The following PHF3 variants were observed in gnomAD, a reference collection of about 807,000 sequenced individuals.
PHF3 encodes PHD finger protein 3.
In PHF3, 41 loss-of-function variants were observed where a neutral mutation model predicts 178.4. The ratio of observed to expected loss-of-function variants is 0.23; its 90% CI spans 0.18 to 0.30. PHF3 has a LOEUF of 0.30. Among genes scored for constraint, PHF3 ranks in the 10% least tolerant of loss-of-function variants. PHF3 has a pLI of 1.00. For synonymous variants in PHF3, 842 were observed against 800.5 expected (o/e 1.05, Z -0.88); for missense variants, 2,346 against 2,398.1 (o/e 0.98, Z 0.45).
chr6:63,697,766 CT>C (rs1339171770), intron 6 of PHF3, among the ~76,000 whole-genome samples: 1 of 152,010 alleles, frequency 6.6e-6, no homozygotes, highest in Non-Finnish European at 1.5e-5. Flanking sequence ...AATAAATGTG[CT>C]GGTATAATAA....
intron 11 of PHF3, 27 bp from the exon 12 acceptor site, chr6:63,706,002 G>A: frequency 1.3e-6 from 2 of 1,550,212 alleles, no homozygotes; most frequent in African/African-American, 1.4e-5. Context: ...TTAACAGTTG[G>A]TTTCTTTTGA....
chr6:63,651,826 T>G (rs1222591264), intron 2 of PHF3, among the ~76,000 whole-genome samples: 2 of 152,210 alleles, frequency 1.3e-5, no homozygotes, highest in African/African-American at 4.8e-5. Flanking sequence ...TGTGCCAGGC[T>G]TATTTCACCT....
In PHF3 at chr6:63,712,171, A is replaced by G. The variant is rs755617716; in HGVS notation, c.4583A>G (p.Asp1528Gly). ...AACAAGGAGATAAAAGTTAAAGTAG[A>G]TAATATTTCAGAATCTACAGATAAG... Reference protein sequence around the residue: ...GENKEIKVKVDNISESTDKSA... With the variant: ...GENKEIKVKVGNISESTDKSA... The change falls in exon 16 of 16, where the codon GAT becomes GGT. Residue 1528 changes from aspartate (D) to glycine (G), a missense_variant. Asp to Gly is a moderately conservative substitution (Grantham distance 94). Around this residue, in one of 8 missense-constraint regions of PHF3, gnomAD observed 839 missense variants for 806.9 expected, o/e 1.04. Transcript: ENST00000262043. 3.7e-6 allele frequency: 6 copies of G among 1,613,506 alleles called. No individual in the cohort carries two copies. Among genetic ancestry groups the G allele is most frequent in the African/African-American group, 2.7e-5 (2 of 74,912 alleles).
intron 2 of PHF3, among the ~76,000 whole-genome samples, chr6:63,667,837 A>G (rs1468952082): frequency 3.3e-5 from 5 of 152,240 alleles, no homozygotes; most frequent in Non-Finnish European, 1.5e-5. Context: ...ATTAGAGTCA[A>G]ACATATTTGG....
In PHF3 at chr6:63,716,341, TATAC is replaced by T. The variant is rs1255262498; in HGVS notation, c.*2634_*2637del. On this transcript the variant is annotated 3_prime_UTR_variant, in exon 16 of 16. Transcript: ENST00000262043. ...AAGAAGCAAAAGCCTGATGATCATA[TATAC>T]CTTTCATAGCCCTCTTTCTTTGCGT... 6.6e-6 allele frequency among the ~76,000 whole-genome samples: 1 copy of T among 152,164 alleles called. No homozygotes were observed. Among genetic ancestry groups the T allele is most frequent in the Non-Finnish European group, 1.5e-5 (1 of 68,024 alleles).
Position 63,711,226 on chromosome 6 carries a change from G to T in PHF3, c.3861G>T (p.Leu1287Phe). 6.2e-7 allele frequency: 1 copy of T among 1,613,002 alleles called. No homozygotes were observed. The highest frequency in any genetic ancestry group is 8.5e-7 in the Non-Finnish European group (1 of 1,179,498). ...VTEEDQISYT[L>F]LFAYFSSRKR... ...AAGAAGATCAAATTTCTTATACTTT[G>T]CTCTTTGCATACTTCAGTAGCAGAA... The change falls in exon 15 of 16, where the codon TTG (leucine) becomes TTT (phenylalanine). Residue 1287 changes from leucine (L) to phenylalanine (F), a missense_variant. Around this residue, in one of 8 missense-constraint regions of PHF3, gnomAD observed 90 missense variants for 136.6 expected, o/e 0.66. Coordinates refer to ENST00000262043, the MANE Select transcript of PHF3 (RefSeq NM_001370348.2).
intron 2 of PHF3, among the ~76,000 whole-genome samples, chr6:63,678,239 A>C (rs1020910477): frequency 3.3e-5 from 5 of 152,038 alleles, no homozygotes; most frequent in African/African-American, 7.2e-5. Flanking sequence ...AAAGAAAAAA[A>C]AACAAAAAAC....
chr6:63,696,131 C>T (rs1007173170), intron 6 of PHF3, among the ~76,000 whole-genome samples: 2 of 152,136 alleles, frequency 1.3e-5, no homozygotes, highest in Non-Finnish European at 2.9e-5. Flanking sequence ...TTGGGATGCT[C>T]CACTGGTAAG....
At chr6:63,668,449 T>C (rs1242064180) in intron 2 of PHF3, among the ~76,000 whole-genome samples, 2 of 152,146 alleles carry the variant, frequency 1.3e-5, no homozygotes, top group Non-Finnish European at 2.9e-5. Context: ...TCCTCCTGCC[T>C]CAGCTTCCCA....
In PHF3 at chr6:63,725,529, T is replaced by G. The variant is rs1441737883; in HGVS notation, c.*11821T>G. ...ATAGAAAATTTATGTTTGTATGTGG[T>G]TCTCCTATTTGACATTTTCACAGGG... On this transcript the variant is annotated 3_prime_UTR_variant, in exon 16 of 16. Coordinates refer to ENST00000262043, the MANE Select transcript of PHF3 (RefSeq NM_001370348.2). Among the ~76,000 whole-genome samples the G allele has an allele frequency of 6.6e-6, 1 of 152,136 alleles. No homozygotes were observed. The highest frequency in any genetic ancestry group is 1.5e-5 in the Non-Finnish European group (1 of 67,960).
Position 63,693,133 on chromosome 6 carries a change from G to A in PHF3, c.2496+1090G>A, listed in dbSNP as rs541850278. Among the ~76,000 whole-genome samples the A allele has an allele frequency of 4.6e-5, 7 of 152,292 alleles. No individual in the cohort carries two copies. The East Asian group carries it at 1.3e-3, about 29-fold the overall frequency. ...TGTTGATTTGATCATCAAAGTAATT[G>A]ATAATATGGATCTGAGAGCCACAAT... On this transcript the variant is annotated intron_variant, in intron 5 of 15. Transcript: ENST00000262043.
rs1436088291 is a variant in PHF3, at chr6:63,709,246, G to T, written c.3801+6G>T. The T allele has an allele frequency of 6.3e-7, 1 of 1,586,328 alleles. No homozygotes were observed. Among genetic ancestry groups the T allele is most frequent in the East Asian group, 2.2e-5 (1 of 44,674 alleles). On this transcript the variant is annotated splice_donor_region_variant and intron_variant, in intron 14 of 15. Coordinates refer to ENST00000262043, the MANE Select transcript of PHF3 (RefSeq NM_001370348.2). ...TAAAAGCATCAGGAACCAAGGTGAG[G>T]AAAACTTTTTTCACTATACCAGCAT...
intron 6 of PHF3, among the ~76,000 whole-genome samples, chr6:63,696,799 T>A (rs1439681051): frequency 1.4e-4 from 22 of 152,208 alleles, no homozygotes. Context: ...TTGTTAAGTC[T>A]ATGACTTAGC....
At chr6:63,669,125 G>A (rs1561952920) in intron 2 of PHF3, among the ~76,000 whole-genome samples, 1 of 152,072 alleles carries the variant, frequency 6.6e-6, no homozygotes, top group Non-Finnish European at 1.5e-5. Context: ...CTTGATTAGT[G>A]GACAGATCAG....
Position 63,712,230 on chromosome 6 carries a change from T to C in PHF3, c.4642T>C (p.Ser1548Pro). 1 of 1,614,072 alleles carries C rather than the reference T, an allele frequency of 6.2e-7. No homozygotes were observed. The highest frequency in any genetic ancestry group is 8.5e-7 in the Non-Finnish European group (1 of 1,179,958). ...AEIETSVVGS[S>P]SISAGSLTSL... ...AATAGAAACATCAGTAGTAGGGTCC[T>C]CTTCCATTTCTGCAGGGTCTTTGAC... Residue 1548 changes from serine to proline, a missense_variant, in exon 16 of 16, where the codon TCT (serine) becomes CCT (proline). Around this residue, in one of 8 missense-constraint regions of PHF3, gnomAD observed 839 missense variants for 806.9 expected, o/e 1.04. Transcript: ENST00000262043.
At chr6:63,656,331 A>G (rs1353905255) in intron 2 of PHF3, among the ~76,000 whole-genome samples, 1 of 152,164 alleles carries the variant, frequency 6.6e-6, no homozygotes, top group Non-Finnish European at 1.5e-5. Flanking sequence ...TCTTGTCTTC[A>G]TTACTGTATC....
In PHF3 at chr6:63,685,178, G is replaced by A; in HGVS notation, c.1456G>A (p.Val486Ile). The A allele has an allele frequency of 1.2e-6, 2 of 1,613,902 alleles. No individual in the cohort carries two copies. The highest frequency in any genetic ancestry group is 1.7e-6 in the Non-Finnish European group (2 of 1,179,996). Reference protein sequence around the residue: ...SSVSYLESKSVKSKHTKPVIH... With the variant: ...SSVSYLESKSIKSKHTKPVIH... ...CGTTTCTTACTTAGAGTCAAAAAGT[G>A]TAAAATCCAAACATACAAAACCTGT... Residue 486 changes from valine to isoleucine, a missense_variant, in exon 4 of 16, where the codon GTA (valine) becomes ATA (isoleucine). Around this residue, in one of 8 missense-constraint regions of PHF3, gnomAD observed 843 missense variants for 795.2 expected, o/e 1.06. Transcript: ENST00000262043.
At chr6:63,688,974 G>A (rs769870748) in intron 4 of PHF3, among the ~76,000 whole-genome samples, 8 of 152,158 alleles carry the variant, frequency 5.3e-5, no homozygotes, top group Non-Finnish European at 1.2e-4. Context: ...CCTTGTGTGT[G>A]CTCCCAGTTG....
chr6:63,636,947 T>C (rs1181887595), intron 1 of PHF3: 1 of 152,268 alleles, frequency 6.6e-6, no homozygotes, highest in East Asian at 1.9e-4. Flanking sequence ...TCCCTCAGGA[T>C]GTGTTGCCGG....
Sources: gnomAD v4.1 joint callset for allele counts (sites outside exome capture counted in the v4.1 genomes callset) on GRCh38, gnomAD v4.1.1 for gene constraint, gnomAD v4.1.1 regional missense constraint, MANE v1.5 for transcripts, NCBI Gene and HGNC (gene_info 2026-07-23, HGNC 2026-07-21) for gene names.